PPP3CA: variants seen among roughly 807,000 people sequenced by gnomAD.
PPP3CA encodes the protein CAM-PRP catalytic subunit.
In PPP3CA, 14 loss-of-function variants were observed where a neutral mutation model predicts 66.5. The observed-to-expected ratio is 0.21, with a 90% confidence interval of 0.14 to 0.33. The LOEUF is 0.33. Among genes scored for constraint, PPP3CA ranks in the 10% least tolerant of loss-of-function variants. PPP3CA has a pLI of 1.00. For missense variants in PPP3CA, 317 were observed against 639.5 expected (o/e 0.50, Z 5.44); for synonymous variants, 232 against 226.2 (o/e 1.03, Z -0.23).
chr4:101,228,545 C>G (rs1725854796), intron 1 of PPP3CA, among the ~76,000 whole-genome samples: 1 of 151,622 alleles, frequency 6.6e-6, no homozygotes, highest in African/African-American at 2.4e-5. Context: ...ATTTGGGACT[C>G]TCATTCAGTT....
chr4:101,229,604 G>A (rs779483154), intron 1 of PPP3CA, among the ~76,000 whole-genome samples: 1 of 151,392 alleles, frequency 6.6e-6, no homozygotes, highest in African/African-American at 2.4e-5. Flanking sequence ...AGGGAGTTTG[G>A]CAGTATGGTA....
At chr4:101,175,125 C>T (rs1314647559) in intron 2 of PPP3CA, among the ~76,000 whole-genome samples, 1 of 151,940 alleles carries the variant, frequency 6.6e-6, no homozygotes. Flanking sequence ...AAAACAAAGA[C>T]TAAAGAAAAG....
intron 1 of PPP3CA, among the ~76,000 whole-genome samples, chr4:101,343,720 A>AT (rs1560728790): frequency 6.6e-6 from 1 of 152,160 alleles, no homozygotes. Flanking sequence ...ATTCTCTTTC[A>AT]TTTTTAAGGT....
intron 2 of PPP3CA, among the ~76,000 whole-genome samples, chr4:101,117,882 G>C (rs1721893513): frequency 6.6e-6 from 1 of 151,854 alleles, no homozygotes; most frequent in Non-Finnish European, 1.5e-5. Flanking sequence ...AACATTATAA[G>C]TTGATATAAT....
intron 1 of PPP3CA, among the ~76,000 whole-genome samples, chr4:101,238,379 TTTTAA>T (rs1440152845): frequency 2.6e-5 from 4 of 151,972 alleles, no homozygotes; most frequent in Non-Finnish European, 4.4e-5. Flanking sequence ...AGAAGATTAT[TTTTAA>T]TTTAAGAAAT....
chr4:101,225,424 T>C (rs2110217884), intron 1 of PPP3CA, among the ~76,000 whole-genome samples: 1 of 151,966 alleles, frequency 6.6e-6, no homozygotes, highest in Non-Finnish European at 1.5e-5. Context: ...TCTCGTGATC[T>C]GGAACAACAG....
chr4:101,045,238 A>G (rs574636295), intron 10 of PPP3CA, among the ~76,000 whole-genome samples: 3 of 152,258 alleles, frequency 2.0e-5, no homozygotes, highest in African/African-American at 7.2e-5. Context: ...CAGAGATCAC[A>G]TGAACAACAA....
chr4:101,088,584 CAAAAAAAAAAA>C (rs1174497803), intron 6 of PPP3CA, among the ~76,000 whole-genome samples: 45 of 35,764 alleles, frequency 1.3e-3, no homozygotes, highest in African/African-American at 3.1e-3. Flanking sequence ...GACTCCATCT[CAAAAAAAAAAA>C]AAAAAAAAAA....
intron 1 of PPP3CA, among the ~76,000 whole-genome samples, chr4:101,302,543 T>C (rs1728411885): frequency 6.6e-6 from 1 of 152,184 alleles, no homozygotes; most frequent in African/African-American, 2.4e-5. Context: ...CTTTTCTGTT[T>C]TTTTGAGATG....
intron 2 of PPP3CA, among the ~76,000 whole-genome samples, chr4:101,147,971 T>C (rs575702924): frequency 2.0e-5 from 3 of 152,304 alleles, no homozygotes; most frequent in African/African-American, 4.8e-5. Flanking sequence ...CTGTCCAAAA[T>C]AGACACAATC....
At position 101,171,837 on chromosome 4, in the gene PPP3CA, C is replaced by A. The variant is rs566609747; in HGVS notation, c.259+24079G>T. Among the ~76,000 whole-genome samples, 6 of 151,990 alleles carry A rather than the reference C, an allele frequency of 3.9e-5. No individual in the cohort carries two copies. In the East Asian group the frequency reaches 9.6e-4, roughly 24 times the overall value. On this transcript the variant is annotated intron_variant, in intron 2 of 13. Transcript: ENST00000394854. ...TGCAATTGTGTAATCTGTTTAATACCGATTTCTGCTAGGATATAAGGATTA... is the reference window on the plus strand; with the variant it reads ...TGCAATTGTGTAATCTGTTTAATACAGATTTCTGCTAGGATATAAGGATTA...
chr4:101,226,525 CA>C (rs1197662398), intron 1 of PPP3CA, among the ~76,000 whole-genome samples: 1 of 151,218 alleles, frequency 6.6e-6, no homozygotes, highest in Non-Finnish European at 1.5e-5. Flanking sequence ...CAACAGCTGT[CA>C]AAAAAACGAA....
intron 1 of PPP3CA, among the ~76,000 whole-genome samples, chr4:101,198,144 G>A (rs1387884173): frequency 6.6e-6 from 1 of 152,086 alleles, no homozygotes; most frequent in Non-Finnish European, 1.5e-5. Context: ...AACAAGGAGG[G>A]GAGAAAAAGA....
intron 10 of PPP3CA, among the ~76,000 whole-genome samples, chr4:101,059,052 A>C (rs528389415): frequency 4.6e-5 from 7 of 152,250 alleles, no homozygotes; most frequent in African/African-American, 1.7e-4. Flanking sequence ...TTAAAGAATA[A>C]AAGGAATATA....
chr4:101,280,469 A>C (rs920333990), intron 1 of PPP3CA, among the ~76,000 whole-genome samples: 2 of 152,196 alleles, frequency 1.3e-5, no homozygotes, highest in African/African-American at 2.4e-5. Context: ...AGTGTTAAGC[A>C]GGTATTTTGT....
chr4:101,124,435 C>T (rs1722130725), intron 2 of PPP3CA, among the ~76,000 whole-genome samples: 1 of 151,784 alleles, frequency 6.6e-6, no homozygotes, highest in Non-Finnish European at 1.5e-5. Context: ...ACCAGCCTGG[C>T]CAATATGGTG....
chr4:101,320,492 A>G (rs866557309), intron 1 of PPP3CA, among the ~76,000 whole-genome samples: 79 of 102,214 alleles, frequency 7.7e-4, no homozygotes, highest in African/African-American at 3.0e-3. Context: ...GTGTGTGTGT[A>G]TACACACACA....
chr4:101,257,981 G>A (rs1473392713), intron 1 of PPP3CA, among the ~76,000 whole-genome samples: 1 of 151,932 alleles, frequency 6.6e-6, no homozygotes, highest in Non-Finnish European at 1.5e-5. Context: ...GCAGGGAAAC[G>A]TAAAAAAATT....
At chr4:101,101,637 T>A (rs1331958443) in intron 3 of PPP3CA, among the ~76,000 whole-genome samples, 1 of 152,150 alleles carries the variant, frequency 6.6e-6, no homozygotes, top group Non-Finnish European at 1.5e-5. Flanking sequence ...TTTTAAAGTT[T>A]TTTTTTTCTT....
Sources: allele counts gnomAD v4.1 joint callset (sites outside exome capture counted in the v4.1 genomes callset), GRCh38; gene constraint gnomAD v4.1.1; transcripts MANE v1.5; gene names NCBI Gene and HGNC (gene_info 2026-07-23, HGNC 2026-07-21).